NARF: variants seen among roughly 807,000 people sequenced by gnomAD.
NARF encodes the protein nuclear prelamin A recognition factor.
In NARF, 41 loss-of-function variants were observed where a neutral mutation model predicts 48.0. The observed-to-expected ratio is 0.85, with a 90% CI of 0.66 to 1.11. NARF has a LOEUF of 1.11. Among genes scored for constraint, NARF ranks in the 50% least tolerant of loss-of-function variants. NARF has a pLI of 0.00. For synonymous variants in NARF, 215 were observed against 225.5 expected (o/e 0.95, Z 0.42); for missense variants, 613 against 590.2 (o/e 1.04, Z -0.40).
intron 3 of NARF, among the ~76,000 whole-genome samples, chr17:82,464,998 T>G (rs1287811081): frequency 6.6e-6 from 1 of 152,218 alleles, no homozygotes; most frequent in Non-Finnish European, 1.5e-5. Context: ...CTGGCTAATT[T>G]ATAAAGCAGA....
intron 8 of NARF, 185 bp from the exon 9 acceptor site, chr17:82,484,628 C>T: frequency 3.3e-6 from 2 of 599,490 alleles, no homozygotes; most frequent in Non-Finnish European, 2.6e-6. Context: ...GAGCATCAGG[C>T]AGGCCCTCCC....
chr17:82,460,464 C>T (rs2043408865), intron 2 of NARF: 1 of 154,988 alleles, frequency 6.5e-6, no homozygotes, highest in Admixed American at 6.5e-5. Flanking sequence ...GACTCTGTCC[C>T]AAAAAAAAGA....
At position 82,479,255 on chromosome 17, in the gene NARF, G is replaced by T. The variant is rs1310887270; in HGVS notation, c.639+337G>T. The T allele has an allele frequency of 1.5e-5, 3 of 197,102 alleles. No homozygotes were observed. The Admixed American group carries it at 1.8e-4, about 12-fold the overall frequency. The allele number at this position is 197,102 out of a possible 1,614,324, so 12.2% of individuals were successfully genotyped here. A position where few individuals can be genotyped will look rare whatever the true frequency, so the allele number is the denominator to read the frequency against. ...CAGAGATGCTGCCTGCCTGCTGTTGGGATGCCTCACCCAAGGAGGCCTAAA... is the reference window on the plus strand; with the variant it reads ...CAGAGATGCTGCCTGCCTGCTGTTGTGATGCCTCACCCAAGGAGGCCTAAA... On this transcript the variant is annotated intron_variant, in intron 6 of 10. Transcript: ENST00000309794.
At chr17:82,470,267 C>T (rs777805271) in intron 4 of NARF, among the ~76,000 whole-genome samples, 18 of 152,074 alleles carry the variant, frequency 1.2e-4, no homozygotes, top group African/African-American at 4.1e-4. Context: ...CCAGCTACAG[C>T]GACAGGTGCC....
chr17:82,459,162 C>T, intron 1 of NARF: 2 of 1,122,390 alleles, frequency 1.8e-6, no homozygotes, highest in Non-Finnish European at 2.2e-6. Flanking sequence ...AGAAGCGTTT[C>T]GAGAGGGTTT....
Position 82,484,824 on chromosome 17 carries a change from T to C in NARF, c.845T>C (p.Leu282Ser). 2 of 1,605,650 alleles carry C rather than the reference T, an allele frequency of 1.2e-6. No homozygotes were observed. The highest frequency in any genetic ancestry group is 1.7e-6 in the Non-Finnish European group (2 of 1,175,802). Residue 282 changes from leucine to serine, a missense_variant, in exon 9 of 11, where the codon TTG (leucine) becomes TCG (serine). Coordinates refer to ENST00000309794, the MANE Select transcript of NARF (RefSeq NM_012336.4). ...DAAVDTLFGD[L>S]KEDKVTRHDG... The stretch of plus-strand genomic sequence containing the variant: ...CTCTGCCTTGTGAGGTTTGGAGACT[T>C]GAAGGAGGACAAAGTGACGCGTCAT...
chr17:82,459,076 C>T (rs2043361505), intron 1 of NARF: 1 of 1,197,638 alleles, frequency 8.3e-7, no homozygotes, highest in Non-Finnish European at 1.0e-6. Flanking sequence ...CCGCGAAGCG[C>T]GGAAACGCAC....
In NARF at chr17:82,468,892, T is replaced by G; in HGVS notation, c.381T>G (p.Ser127Arg). ...ASRRLCGFLK[S>R]LGVHYVFDTT... ...GAAGACTCTGTGGTTTCCTCAAAAG[T>G]CTTGGTGAGTCATCTTTTGATAAAT... is the stretch of plus-strand genomic sequence containing the variant. The change falls in exon 4 of 11, where the codon AGT becomes AGG. Residue 127 changes from serine to arginine, a missense_variant. Ser to Arg is a moderately radical substitution (Grantham distance 110). Coordinates refer to ENST00000309794, the MANE Select transcript of NARF (RefSeq NM_012336.4). 1 of 1,612,864 alleles carries G rather than the reference T, an allele frequency of 6.2e-7. No individual in the cohort carries two copies. Among genetic ancestry groups the G allele is most frequent in the Non-Finnish European group, 8.5e-7 (1 of 1,179,632 alleles).
chr17:82,460,797 GAC>G (rs1395410356), intron 2 of NARF: 1 of 152,266 alleles, frequency 6.6e-6, no homozygotes, highest in Non-Finnish European at 1.5e-5. Context: ...GGCTAATAAA[GAC>G]ATGTGTGAGA....
chr17:82,479,335 C>G (rs772806012), intron 6 of NARF: 1 of 168,514 alleles, frequency 5.9e-6, no homozygotes, highest in Non-Finnish European at 1.3e-5. Context: ...CAAACCTGGC[C>G]TCTGCCCTGG....
intron 7 of NARF, chr17:82,482,441 T>TTGACAAAATAAAACATGCGCGGTGGG (rs1555630051): frequency 5.9e-5 from 10 of 169,030 alleles, no homozygotes; most frequent in African/African-American, 2.2e-4. Flanking sequence ...CGGTGGGCTG[T>TTGACAAAATAAAACATGCGCGGTGGG]CAGAAGAACC....
chr17:82,465,939 T>G (rs1473912076), intron 3 of NARF, among the ~76,000 whole-genome samples: 1 of 152,230 alleles, frequency 6.6e-6, no homozygotes, highest in African/African-American at 2.4e-5. Context: ...GTACCCTGAC[T>G]TATATGCACT....
chr17:82,489,027 T>A lies in NARF; in HGVS notation c.*870T>A, dbSNP rs2044154614. On this transcript the variant is annotated 3_prime_UTR_variant, in exon 11 of 11. Coordinates refer to ENST00000309794, the MANE Select transcript of NARF (RefSeq NM_012336.4). ...GAAAATGTTTTTGCCAGAACATTAA[T>A]AACTGTCAGCCTTTTAGAATCAGGA... 6.5e-6 allele frequency: 1 copy of A among 152,836 alleles called. No individual in the cohort carries two copies. The highest frequency in any genetic ancestry group is 2.4e-5 in the African/African-American group (1 of 41,596). The allele number at this position is 152,836 out of a possible 1,614,324, so 9.5% of individuals were successfully genotyped here. A position where few individuals can be genotyped will look rare whatever the true frequency, so the allele number is the denominator to read the frequency against.
At chr17:82,458,387 G>T, upstream of NARF, 1 of 169,108 alleles carries the variant, frequency 5.9e-6, no homozygotes, top group Non-Finnish European at 1.3e-5. Context: ...AACGGCCCCA[G>T]CTTGGCCTCG....
chr17:82,476,669 C>G (rs139101828), intron 5 of NARF: 17 of 152,012 alleles, frequency 1.1e-4, no homozygotes, highest in African/African-American at 3.9e-4. Flanking sequence ...GCCTTGATCT[C>G]CTGACCTCGA....
At chr17:82,473,295 AT>A (rs71168112) in intron 5 of NARF, among the ~76,000 whole-genome samples, 204 of 120,638 alleles carry the variant, frequency 1.7e-3, no homozygotes, top group Non-Finnish European at 1.6e-3. Context: ...ACATGTCTCT[AT>A]TTTTTTTTTT....
intron 10 of NARF, 147 bp downstream of exon 10, chr17:82,485,801 G>A (rs2044083781): frequency 9.2e-6 from 8 of 868,576 alleles, no homozygotes; most frequent in East Asian, 2.7e-5. Flanking sequence ...GCTCCCGTGG[G>A]GCTTGTGCTG....
intron 8 of NARF, chr17:82,484,574 C>T (rs970286112): frequency 2.5e-6 from 1 of 402,838 alleles, no homozygotes; most frequent in Admixed American, 4.3e-5. Context: ...CCTGCAAGAG[C>T]CTGTGCATGG....
chr17:82,487,790 A>ATC (rs2044129704), intron 10 of NARF, 126 bp from the exon 11 acceptor site: 1 of 610,354 alleles, frequency 1.6e-6, no homozygotes, highest in Non-Finnish European at 2.7e-6. Flanking sequence ...CTCCCGCCCA[A>ATC]TCTCTACAAA....
Sources: allele counts gnomAD v4.1 joint callset (sites outside exome capture counted in the v4.1 genomes callset), GRCh38; gene constraint gnomAD v4.1.1; transcripts MANE v1.5; gene names NCBI Gene and HGNC (gene_info 2026-07-23, HGNC 2026-07-21).